RPGRIP1: variants seen among roughly 807,000 people sequenced by gnomAD.
RPGRIP1 encodes RPGR interacting protein 1.
RPGRIP1 carries 128 observed loss-of-function variants against 157.9 expected under a neutral mutation model. The observed-to-expected ratio is 0.81, with a 90% CI of 0.70 to 0.94. The LOEUF is 0.94. Ranked by LOEUF, RPGRIP1 falls within the 40% of genes least tolerant of loss-of-function variation. The probability of loss-of-function intolerance (pLI) is 0.00; values close to 1 mark genes in which losing one functional copy is unlikely to be tolerated. For missense variants in RPGRIP1, 1,486 were observed against 1,545.8 expected, an observed-to-expected ratio of 0.96 and a Z score of 0.65; for synonymous variants, 554 against 571.6, an observed-to-expected ratio of 0.97 and a Z score of 0.44.
Position 21,302,540 on chromosome 14 carries a change from G to T in RPGRIP1, c.543G>T (p.Ala181=). The change falls in exon 5 of 25, where the codon GCG becomes GCT. Residue 181 remains alanine (A), a synonymous_variant. Transcript: ENST00000400017. ...YTAPPSFKEH[A]TNENRGEVAS... ...CCCCTCCATCGTTTAAGGAGCATGC[G>T]ACAAATGAAAACAGAGGTGAAGTAG... 6.3e-7 allele frequency: 1 copy of T among 1,588,998 alleles called. No individual in the cohort carries two copies. Among genetic ancestry groups the T allele is most frequent in the East Asian group, 2.3e-5 (1 of 44,280 alleles).
chr14:21,326,229 T>C, intron 17 of RPGRIP1, 56 bp downstream of exon 17: 1 of 1,172,080 alleles, frequency 8.5e-7, no homozygotes, highest in Admixed American at 2.5e-5. Flanking sequence ...TGTCTCCCTG[T>C]CCTGATTCTA....
rs878878046 is a variant in RPGRIP1 at position 21,334,493 on chromosome 14, T to C, written c.3239-112T>C. On this transcript the variant is annotated intron_variant, in intron 20 of 24. Coordinates refer to ENST00000400017, the MANE Select transcript of RPGRIP1 (RefSeq NM_020366.4). The stretch of plus-strand genomic sequence containing the variant: ...ATTCTTAGTAAGTGAAGGCAAAATC[T>C]AGACACTCGGAACTAGTGACCAGAC... The C allele has an allele frequency of 2.5e-5, 19 of 759,424 alleles. No individual in the cohort carries two copies. In the East Asian group the frequency reaches 3.8e-4, roughly 15 times the overall value. The allele number at this position is 759,424 out of a possible 1,614,324, so 47.0% of individuals were successfully genotyped here.
At chr14:21,349,814 C>T (rs1886004339) in intron 24 of RPGRIP1, among the ~76,000 whole-genome samples, 1 of 152,180 alleles carries the variant, frequency 6.6e-6, no homozygotes, top group African/African-American at 2.4e-5. Flanking sequence ...AATCCTTTTA[C>T]AGTTTGCTAT....
intron 6 of RPGRIP1, among the ~76,000 whole-genome samples, chr14:21,305,067 G>A (rs925317186): frequency 6.6e-5 from 10 of 152,176 alleles, no homozygotes; most frequent in African/African-American, 2.4e-4. Flanking sequence ...TTCCCAAAGT[G>A]CTGGGATTAC....
chr14:21,351,050 C>T, intron 24 of RPGRIP1, 54 bp from the exon 25 acceptor site: 2 of 971,922 alleles, frequency 2.1e-6, no homozygotes, highest in Non-Finnish European at 3.2e-6. Context: ...CTGACAAATA[C>T]CAAGTATCAA....
chr14:21,328,623 C>T lies in RPGRIP1; in HGVS notation c.3095C>T (p.Pro1032Leu), dbSNP rs1883368786. Reference sequence around the variant, plus strand: ...CTTAACATCTTAAATGGAAATACACCAGAGGTAAGACCTTAAAAACTCTGA... The same window carrying T: ...CTTAACATCTTAAATGGAAATACACTAGAGGTAAGACCTTAAAAACTCTGA... Reference protein sequence around the residue: ...LSLNILNGNTPEQVNYTEWKF... With the variant: ...LSLNILNGNTLEQVNYTEWKF... The change falls in exon 19 of 25, where the codon CCA (proline) becomes CTA (leucine). Residue 1032 changes from proline (P) to leucine (L), a missense_variant. Transcript: ENST00000400017. The T allele has an allele frequency of 6.2e-7, 1 of 1,608,096 alleles. No homozygotes were observed. The highest frequency in any genetic ancestry group is 8.5e-7 in the Non-Finnish European group (1 of 1,174,770).
At chr14:21,288,426 C>T (rs1880382828) in intron 2 of RPGRIP1, among the ~76,000 whole-genome samples, 1 of 151,974 alleles carries the variant, frequency 6.6e-6, no homozygotes, top group South Asian at 2.1e-4. Context: ...AGGGATCTGC[C>T]CTCCTCGGGC....
At chr14:21,326,997 G>C (rs1185396047) in intron 17 of RPGRIP1, among the ~76,000 whole-genome samples, 1 of 152,058 alleles carries the variant, frequency 6.6e-6, no homozygotes, top group Non-Finnish European at 1.5e-5. Flanking sequence ...GGGTGAGGTG[G>C]GGGTATCCAT....
chr14:21,334,032 C>T (rs1218345812), intron 20 of RPGRIP1, among the ~76,000 whole-genome samples: 3 of 151,496 alleles, frequency 2.0e-5, no homozygotes, highest in Non-Finnish European at 2.9e-5. Flanking sequence ...AAGCAACTCT[C>T]CTGCCTCAGC....
chr14:21,341,781 C>T (rs976867462), intron 21 of RPGRIP1, among the ~76,000 whole-genome samples: 4 of 152,152 alleles, frequency 2.6e-5, no homozygotes, highest in Non-Finnish European at 1.5e-5. Context: ...CCTGGCCAGG[C>T]GCGGCGGCTC....
intron 16 of RPGRIP1, 75 bp downstream of exon 16, chr14:21,325,458 A>G (rs993603021): frequency 5.2e-6 from 7 of 1,349,990 alleles, no homozygotes; most frequent in Admixed American, 2.3e-5. Context: ...TCAGTCTTCC[A>G]CTCTCAATAA....
intron 2 of RPGRIP1, among the ~76,000 whole-genome samples, chr14:21,289,613 C>T (rs1880439823): frequency 6.6e-6 from 1 of 152,138 alleles, no homozygotes; most frequent in African/African-American, 2.4e-5. Context: ...GCACTTTATG[C>T]ACTGCCCATA....
chr14:21,284,540 ATT>A (rs67923336), intron 1 of RPGRIP1, among the ~76,000 whole-genome samples: 9 of 130,446 alleles, frequency 6.9e-5, no homozygotes, highest in Admixed American at 8.6e-5. Flanking sequence ...GGAGAACTAA[ATT>A]TTTTTTTTTT....
At chr14:21,319,558 A>G (rs898881519) in intron 11 of RPGRIP1, among the ~76,000 whole-genome samples, 1 of 151,994 alleles carries the variant, frequency 6.6e-6, no homozygotes, top group Non-Finnish European at 1.5e-5. Context: ...AAGACTGTCT[A>G]AAGAGAAAAA....
At chr14:21,306,190 G>A (rs1594178606) in intron 6 of RPGRIP1, among the ~76,000 whole-genome samples, 1 of 120,778 alleles carries the variant, frequency 8.3e-6, no homozygotes, top group Admixed American at 1.2e-4. Flanking sequence ...GAAGTGTAGT[G>A]GCACCTTGTC....
intron 10 of RPGRIP1, among the ~76,000 whole-genome samples, chr14:21,313,525 C>T (rs1881633036): frequency 6.6e-6 from 1 of 152,152 alleles, no homozygotes. Context: ...CGCGGCGGCT[C>T]ATGCCTGTCA....
chr14:21,297,200 T>G (rs1268933546), intron 3 of RPGRIP1, among the ~76,000 whole-genome samples: 1 of 152,004 alleles, frequency 6.6e-6, no homozygotes, highest in African/African-American at 2.4e-5. Flanking sequence ...GTTCAAGTGA[T>G]TCTCCTGCCT....
At chr14:21,320,951 T>G (rs1882392625) in intron 12 of RPGRIP1, among the ~76,000 whole-genome samples, 4 of 152,198 alleles carry the variant, frequency 2.6e-5, no homozygotes, top group African/African-American at 9.6e-5. Context: ...GAGAACTTCA[T>G]GAGCTCCACC....
chr14:21,345,333 T>A, intron 23 of RPGRIP1, 136 bp downstream of exon 23: 1 of 604,478 alleles, frequency 1.7e-6, no homozygotes, highest in Non-Finnish European at 2.9e-6. Flanking sequence ...ATTTCCTATG[T>A]ACTTGAGTAT....
Sources: allele counts gnomAD v4.1 joint callset (sites outside exome capture counted in the v4.1 genomes callset), GRCh38; gene constraint gnomAD v4.1.1; transcripts MANE v1.5; gene names NCBI Gene and HGNC (gene_info 2026-07-23, HGNC 2026-07-21).